Variants in MEGF11 observed in about 807,000 individuals in gnomAD.
The protein encoded by MEGF11 is multiple EGF like domains 11, also known as multiple epidermal growth factor-like domains protein 11.
A neutral mutation model predicts 146.6 loss-of-function variants in MEGF11; 126 were observed. The ratio of observed to expected loss-of-function variants is 0.86; its 90% CI spans 0.74 to 1.00. MEGF11 has a LOEUF of 1.00. Ranked by LOEUF, MEGF11 falls within the 50% of genes least tolerant of loss-of-function variation. The pLI is 0.00. For synonymous variants in MEGF11, 532 were observed against 583.4 expected, an observed-to-expected ratio of 0.91 and a Z score of 1.27; for missense variants, 1,509 against 1,521.2, an observed-to-expected ratio of 0.99 and a Z score of 0.13.
chr15:66,168,000 G>A (rs565475244), intron 1 of MEGF11, among the ~76,000 whole-genome samples: 10 of 152,198 alleles, frequency 6.6e-5, no homozygotes, highest in Admixed American at 1.3e-4. Flanking sequence ...ATTCTCCTAG[G>A]CCAGGCTCCT....
intron 15 of MEGF11, among the ~76,000 whole-genome samples, chr15:65,919,193 T>C (rs1339157077): frequency 6.6e-6 from 1 of 152,192 alleles, no homozygotes; most frequent in Non-Finnish European, 1.5e-5. Flanking sequence ...CTGGACGTGA[T>C]TGGTAGTTGA....
At position 65,910,033 on chromosome 15, in the gene MEGF11, G is replaced by T. The variant is rs1326996054; in HGVS notation, c.2830-227C>A. On this transcript the variant is annotated intron_variant, in intron 21 of 25. Transcript: ENST00000395614. ...CCACCCCAGCTGTTGGGCTGAAGTT[G>T]TAGGGTTCCCAGGCCTCCTGGGGTA... is the stretch of plus-strand genomic sequence containing the variant. The T allele has an allele frequency of 1.3e-5, 9 of 670,492 alleles. 1 individual carries two copies. The South Asian group carries it at 1.4e-4, about 10-fold the overall frequency. 41.5% of individuals were successfully genotyped at this position (670,492 alleles called of 1,614,324 possible).
intron 1 of MEGF11, among the ~76,000 whole-genome samples, chr15:66,179,553 C>T (rs532857043): frequency 7.4e-4 from 112 of 152,276 alleles, no homozygotes; most frequent in African/African-American, 2.6e-3. Flanking sequence ...TCTCCATTCA[C>T]CCTGCAGTGC....
At chr15:66,096,173 C>T (rs986447381) in intron 4 of MEGF11, among the ~76,000 whole-genome samples, 1 of 152,194 alleles carries the variant, frequency 6.6e-6, no homozygotes, top group Admixed American at 6.5e-5. Context: ...AGGCTGAGGT[C>T]CCTGCATGCT....
intron 1 of MEGF11, 71 bp from the exon 2 acceptor site, chr15:66,128,482 C>T (rs916588264): frequency 5.8e-5 from 49 of 852,042 alleles, no homozygotes; most frequent in South Asian, 5.2e-4. Flanking sequence ...AGTTTCCCAT[C>T]GTCGTGGGTA....
chr15:66,199,787 T>C (rs540269405), intron 1 of MEGF11, among the ~76,000 whole-genome samples: 72 of 151,994 alleles, frequency 4.7e-4, no homozygotes, highest in Admixed American at 9.8e-4. Context: ...AGACCCTATC[T>C]TAAAAACAAA....
At chr15:66,123,235 C>T (rs1271228796) in intron 3 of MEGF11, among the ~76,000 whole-genome samples, 1 of 152,210 alleles carries the variant, frequency 6.6e-6, no homozygotes, top group East Asian at 1.9e-4. Context: ...GACAAGGGTA[C>T]AAGACTGCCA....
chr15:65,989,299 G>A (rs559856169), intron 5 of MEGF11, among the ~76,000 whole-genome samples: 1 of 152,286 alleles, frequency 6.6e-6, no homozygotes, highest in East Asian at 1.9e-4. Flanking sequence ...GTCAAGGGAT[G>A]GAAATGAACC....
intron 2 of MEGF11, among the ~76,000 whole-genome samples, chr15:66,126,794 C>G (rs2088370935): frequency 6.6e-6 from 1 of 152,168 alleles, no homozygotes; most frequent in African/African-American, 2.4e-5. Context: ...CCTCTCTGAC[C>G]CACTGGGAAA....
At chr15:65,898,146 C>T (rs2078397423) in intron 25 of MEGF11, 52 bp from the exon 26 acceptor site, 1 of 1,553,384 alleles carries the variant, frequency 6.4e-7, no homozygotes, top group East Asian at 2.3e-5. Flanking sequence ...CTTTGGTTGC[C>T]TTGTTGGAGA....
At chr15:65,928,179 A>G (rs1396075129) in intron 13 of MEGF11, among the ~76,000 whole-genome samples, 1 of 152,170 alleles carries the variant, frequency 6.6e-6, no homozygotes, top group Non-Finnish European at 1.5e-5. Context: ...CACCAACCAT[A>G]TGTCAGCTTT....
chr15:66,024,946 T>C (rs1309991442), intron 5 of MEGF11, among the ~76,000 whole-genome samples: 2 of 152,070 alleles, frequency 1.3e-5, no homozygotes, highest in Non-Finnish European at 2.9e-5. Context: ...TGTGTGTTGG[T>C]TGGGGGAGTG....
intron 5 of MEGF11, among the ~76,000 whole-genome samples, chr15:66,051,813 G>A (rs1008574833): frequency 1.3e-5 from 2 of 152,200 alleles, no homozygotes; most frequent in East Asian, 1.9e-4. Flanking sequence ...GCACCTGTTC[G>A]TTCAGGTGCT....
intron 5 of MEGF11, among the ~76,000 whole-genome samples, chr15:66,032,245 C>A (rs1034163408): frequency 2.0e-5 from 3 of 152,310 alleles, no homozygotes; most frequent in East Asian, 1.9e-4. Context: ...GCTAAATAAA[C>A]CTCTATTTTA....
intron 1 of MEGF11, among the ~76,000 whole-genome samples, chr15:66,226,852 C>T (rs2091864083): frequency 6.6e-6 from 1 of 152,104 alleles, no homozygotes. Context: ...CTAGCGCATG[C>T]ACACTCACAC....
chr15:66,203,488 A>C (rs11071870), intron 1 of MEGF11, among the ~76,000 whole-genome samples: 69,603 of 152,020 alleles, frequency 0.46, 16,135 homozygotes, highest in East Asian at 0.64. Context: ...TCCTAAATCT[A>C]AACTCTGAGT....
intron 5 of MEGF11, among the ~76,000 whole-genome samples, chr15:66,079,537 A>ACCCC (rs56067269): frequency 2.5e-5 from 3 of 122,106 alleles, no homozygotes; most frequent in African/African-American, 7.0e-5. Context: ...CTTCATTCAC[A>ACCCC]CCCCCCCCCC....
intron 10 of MEGF11, among the ~76,000 whole-genome samples, chr15:65,951,466 G>T (rs28582961): frequency 0.079 from 12,027 of 152,162 alleles, 549 homozygotes; most frequent in Non-Finnish European, 0.093. Context: ...GCGGGCAGAT[G>T]ACATGAGGTC....
At chr15:66,076,999 G>T (rs1479966814) in intron 5 of MEGF11, among the ~76,000 whole-genome samples, 1 of 152,206 alleles carries the variant, frequency 6.6e-6, no homozygotes, top group Non-Finnish European at 1.5e-5. Flanking sequence ...TGCTACTTAG[G>T]AGAAGAAAGA....
Sources: allele counts gnomAD v4.1 joint callset (sites outside exome capture counted in the v4.1 genomes callset), GRCh38; gene constraint gnomAD v4.1.1; transcripts MANE v1.5; gene names NCBI Gene and HGNC (gene_info 2026-07-23, HGNC 2026-07-21).